The following CREB5 variants were observed in gnomAD, a reference collection of about 807,000 sequenced individuals.
CREB5 encodes the protein cAMP responsive element binding protein 5.
Under a neutral mutation model 57.1 loss-of-function variants are expected in CREB5, and 19 were observed. The observed-to-expected ratio is 0.33, with a 90% CI of 0.23 to 0.49. CREB5 has a LOEUF of 0.49. CREB5 is among the 20% of genes least tolerant of loss of function. CREB5 has a pLI of 0.99. For synonymous variants in CREB5, 238 were observed against 238.3 expected (o/e 1.00, Z 0.01); for missense variants, 579 against 671.6 (o/e 0.86, Z 1.52).
At chr7:28,674,546 G>A (rs1800227766) in intron 5 of CREB5, among the ~76,000 whole-genome samples, 2 of 152,188 alleles carry the variant, frequency 1.3e-5, no homozygotes, top group Admixed American at 1.3e-4. Flanking sequence ...AATCAGAATT[G>A]ATTCCCATTG....
At chr7:28,409,944 G>A (rs1033261701), upstream of CREB5, 1 of 453,850 alleles carries the variant, frequency 2.2e-6, no homozygotes, top group South Asian at 1.6e-5. This position sits in a 1 kb window ranked among gnomAD's most constrained non-coding sequence, Gnocchi z 4.4. Flanking sequence ...AAGCGGCAGC[G>A]GAGACGGCGA....
intron 1 of CREB5, among the ~76,000 whole-genome samples, chr7:28,314,307 C>T (rs1345109089): frequency 6.6e-6 from 1 of 152,160 alleles, no homozygotes; most frequent in Non-Finnish European, 1.5e-5. Context: ...CAGTGCCCTC[C>T]TACATTCAAA....
At chr7:28,535,777 G>A (rs1486897181) in intron 4 of CREB5, among the ~76,000 whole-genome samples, 3 of 152,118 alleles carry the variant, frequency 2.0e-5, no homozygotes, top group African/African-American at 4.8e-5. Flanking sequence ...AATTTTCTAG[G>A]AAAGGTTCTT....
In CREB5 at chr7:28,657,171, A is replaced by G. The variant is rs975863757; in HGVS notation, c.465-61582A>G. 1.4e-4 allele frequency among the ~76,000 whole-genome samples: 22 copies of G among 152,160 alleles called. 1 individual carries two copies. Among genetic ancestry groups the G allele is most frequent in the Non-Finnish European group, 2.2e-4 (15 of 68,024 alleles). On this transcript the variant is annotated intron_variant, in intron 5 of 10. Coordinates refer to ENST00000357727, the MANE Select transcript of CREB5 (RefSeq NM_182898.4). ...CATACTGACAGAGGGCCATAAGTAC[A>G]TGGTGGATGTAGTTGTAAAATAATT... is the stretch of plus-strand genomic sequence containing the variant.
At chr7:28,813,005 G>A (rs1809215917) in intron 9 of CREB5, among the ~76,000 whole-genome samples, 1 of 152,158 alleles carries the variant, frequency 6.6e-6, no homozygotes, top group Non-Finnish European at 1.5e-5. Flanking sequence ...CAAACTCCCA[G>A]ACTTCATTTC....
intron 5 of CREB5, among the ~76,000 whole-genome samples, chr7:28,670,916 G>A (rs528286207): frequency 1.3e-5 from 2 of 152,108 alleles, no homozygotes; most frequent in African/African-American, 2.4e-5. Flanking sequence ...GGCTGGTCTC[G>A]AACTCCTGGC....
rs554361133 is a variant in CREB5 at position 28,756,091 on chromosome 7, G to T, written c.702+31759G>T. On this transcript the variant is annotated intron_variant, in intron 7 of 10. Coordinates refer to ENST00000357727, the MANE Select transcript of CREB5 (RefSeq NM_182898.4). The stretch of plus-strand genomic sequence containing the variant: ...AATTTACAGCATATATAGCACTATT[G>T]TATGCAAACCCTCCTACCTCGGGGG... Among the ~76,000 whole-genome samples, 192 of 152,272 alleles carry T rather than the reference G, an allele frequency of 1.3e-3. 1 individual carries two copies. The highest frequency in any genetic ancestry group is 4.4e-3 in the African/African-American group (183 of 41,572).
At chr7:28,478,694 TA>T (rs1791187567) in intron 1 of CREB5, among the ~76,000 whole-genome samples, 1 of 152,220 alleles carries the variant, frequency 6.6e-6, no homozygotes, top group African/African-American at 2.4e-5. Flanking sequence ...GATATATTTG[TA>T]TGTTGGGGCA....
intron 7 of CREB5, among the ~76,000 whole-genome samples, chr7:28,780,749 G>GT (rs540502001): frequency 3.8e-4 from 58 of 152,192 alleles, no homozygotes; most frequent in South Asian, 1.5e-3. Context: ...TATGAGTCTA[G>GT]TGGTTCTTTC....
intron 7 of CREB5, among the ~76,000 whole-genome samples, chr7:28,740,085 G>C (rs1414245676): frequency 6.6e-6 from 1 of 152,140 alleles, no homozygotes; most frequent in Non-Finnish European, 1.5e-5. Flanking sequence ...GGGGGTTTAA[G>C]GATTATGCAA....
At chr7:28,438,677 A>G (rs1583462355) in intron 1 of CREB5, among the ~76,000 whole-genome samples, 1 of 152,192 alleles carries the variant, frequency 6.6e-6, no homozygotes, top group Non-Finnish European at 1.5e-5. Flanking sequence ...CATACACGTT[A>G]ACCTTTTGGA....
chr7:28,462,234 GCATGTAT>G (rs2128576241), intron 1 of CREB5, among the ~76,000 whole-genome samples: 1 of 152,260 alleles, frequency 6.6e-6, no homozygotes, highest in Admixed American at 6.5e-5. Flanking sequence ...CCATGTTGTA[GCATGTAT>G]CAGTACTTCA....
At chr7:28,595,636 A>G (rs1796667710) in intron 5 of CREB5, among the ~76,000 whole-genome samples, 3 of 152,208 alleles carry the variant, frequency 2.0e-5, no homozygotes, top group Non-Finnish European at 4.4e-5. Context: ...CTGAAAGAAA[A>G]GAGGCCCCTT....
chr7:28,579,985 G>A (rs749514132), intron 5 of CREB5, among the ~76,000 whole-genome samples: 2 of 152,070 alleles, frequency 1.3e-5, no homozygotes, highest in Non-Finnish European at 2.9e-5. Flanking sequence ...AAGCAGTAAG[G>A]TACTAGATTA....
chr7:28,585,728 G>A (rs1054802688), intron 5 of CREB5, among the ~76,000 whole-genome samples: 2 of 152,038 alleles, frequency 1.3e-5, no homozygotes, highest in African/African-American at 4.8e-5. Context: ...AATTGTTCTG[G>A]GGCATGAGGG....
At chr7:28,565,050 T>C (rs1015646453) in intron 4 of CREB5, among the ~76,000 whole-genome samples, 1 of 152,190 alleles carries the variant, frequency 6.6e-6, no homozygotes, top group Non-Finnish European at 1.5e-5. Flanking sequence ...GTTACATGGC[T>C]ACAAGGAAGG....
At chr7:28,757,327 A>G (rs1469475689) in intron 7 of CREB5, among the ~76,000 whole-genome samples, 3 of 152,188 alleles carry the variant, frequency 2.0e-5, no homozygotes, top group African/African-American at 7.2e-5. Flanking sequence ...GCCTTTAACT[A>G]CTATGCCACT....
intron 1 of CREB5, among the ~76,000 whole-genome samples, chr7:28,323,698 G>A (rs905924115): frequency 6.6e-6 from 1 of 152,070 alleles, no homozygotes; most frequent in African/African-American, 2.4e-5. Context: ...ATTTTTCCAC[G>A]GACTTTGGGT....
intron 1 of CREB5, among the ~76,000 whole-genome samples, chr7:28,393,281 G>A (rs73684332): frequency 0.05 from 7,621 of 152,158 alleles, 607 homozygotes; most frequent in African/African-American, 0.16. Flanking sequence ...AGTCTGACTC[G>A]TCTCTCAAAA....
Sources: allele counts gnomAD v4.1 joint callset (sites outside exome capture counted in the v4.1 genomes callset), GRCh38; gene constraint gnomAD v4.1.1; non-coding constraint Gnocchi (gnomAD v3.1); transcripts MANE v1.5; gene names NCBI Gene and HGNC (gene_info 2026-07-23, HGNC 2026-07-21).